Variants in LILRB2 observed in about 807,000 individuals in gnomAD.
LILRB2 encodes leukocyte immunoglobulin like receptor B2, also known as leukocyte immunoglobulin-like receptor subfamily B member 2.
Under a neutral mutation model 72.7 loss-of-function variants are expected in LILRB2, and 47 were observed. The ratio of observed to expected loss-of-function variants is 0.65; its 90% CI spans 0.51 to 0.82. The LOEUF is 0.82. LILRB2 is among the 40% of genes least tolerant of loss of function. The pLI, the probability that LILRB2 is intolerant of heterozygous loss-of-function variation, is 0.00. For missense variants in LILRB2, 767 were observed against 764.8 expected, an observed-to-expected ratio of 1.00 and a Z score of -0.03; for synonymous variants, 279 against 313.7, an observed-to-expected ratio of 0.89 and a Z score of 1.17.
chr19:54,276,245 A>G lies in LILRB2; in HGVS notation c.1594+19T>C, dbSNP rs765693715. 2.5e-6 allele frequency: 4 copies of G among 1,613,672 alleles called. No homozygotes were observed. The highest frequency in any genetic ancestry group is 2.5e-6 in the Non-Finnish European group (3 of 1,179,904). On this transcript the variant is annotated intron_variant, in intron 12 of 13. Transcript: ENST00000314446. ...GCCCCTATCTCCCTCCTGGCTGGTC[A>G]CCTCTTCCTCTCACTCACAGAGGTT...
At position 54,276,811 on chromosome 19, in the gene LILRB2, T is replaced by C; in HGVS notation, c.1476A>G (p.Thr492=). 1 of 1,613,406 alleles carries C rather than the reference T, an allele frequency of 6.2e-7. No individual in the cohort carries two copies. Among genetic ancestry groups the C allele is most frequent in the Non-Finnish European group, 8.5e-7 (1 of 1,179,644 alleles). ...LRHRRQGKHW[T]STQRKADFQH... ...GGTTTCCCCTTCCCTACTCACTCGA[T>C]GTCCAGTGTTTGCCCTGACGTCGAT... is the stretch of plus-strand genomic sequence containing the variant. The change falls in exon 10 of 14, where the codon ACA becomes ACG. Residue 492 remains threonine, a synonymous_variant. Transcript: ENST00000314446.
At position 54,276,343 on chromosome 19, in the gene LILRB2, C is replaced by T. The variant is rs200755632; in HGVS notation, c.1556+38G>A. The T allele has an allele frequency of 2.7e-3, 4,297 of 1,612,996 alleles. 35 individuals carry two copies. Among genetic ancestry groups the T allele is most frequent in the Non-Finnish European group, 2.9e-3 (3,398 of 1,179,258 alleles). ...AGCTTTAGGGGCAGTGTATGGGCCA[C>T]GAGCAGGTGGGAGTCTGGGGTCTTC... On this transcript the variant is annotated intron_variant, in intron 11 of 13. Coordinates refer to ENST00000314446, the MANE Select transcript of LILRB2 (RefSeq NM_001080978.4).
chr19:54,277,495 C>T, intron 9 of LILRB2, 55 bp downstream of exon 9: 1 of 1,550,210 alleles, frequency 6.5e-7, no homozygotes, highest in South Asian at 1.2e-5. Context: ...AGGACAGAAC[C>T]CACCCCTGCC....
Position 54,279,492 on chromosome 19 carries a change from G to T in LILRB2, c.511C>A (p.Pro171Thr), listed in dbSNP as rs533678320. Residue 171 changes from proline (P) to threonine (T), a missense_variant, in exon 5 of 14, where the codon CCC becomes ACC. Physicochemically the swap from Pro to Thr is conservative, Grantham distance 38. Coordinates refer to ENST00000314446, the MANE Select transcript of LILRB2 (RefSeq NM_001080978.4). ...GCGCGGGACGACCCACGGGCATGGG[G>T]CTGGGAGTTCAGGCATTGTGGGTGT... ...DEHPQCLNSQ[P>T]HARGSSRAIF... 1 of 1,595,982 alleles carries T rather than the reference G, an allele frequency of 6.3e-7. No individual in the cohort carries two copies. The highest frequency in any genetic ancestry group is 8.5e-7 in the Non-Finnish European group (1 of 1,172,114).
intron 1 of LILRB2, 21 bp from the exon 2 acceptor site, chr19:54,280,565 A>G (rs1360594362): frequency 6.8e-6 from 11 of 1,612,278 alleles, no homozygotes; most frequent in Non-Finnish European, 7.6e-6. Flanking sequence ...AGAGACACAC[A>G]GAGAGAAATA....
Position 54,274,392 on chromosome 19 carries a change from G to T in LILRB2, c.*291C>A. On this transcript the variant is annotated 3_prime_UTR_variant, in exon 14 of 14. Coordinates refer to ENST00000314446, the MANE Select transcript of LILRB2 (RefSeq NM_001080978.4). Reference sequence around the variant, plus strand: ...CTTTTTCAATTTCATTGTGTGATGTGTAATATTTATATTGTGATTCAGTTT... The same window carrying T: ...CTTTTTCAATTTCATTGTGTGATGTTTAATATTTATATTGTGATTCAGTTT... The T allele has an allele frequency of 2.4e-6, 1 of 421,302 alleles. No individual in the cohort carries two copies. The highest frequency in any genetic ancestry group is 4.1e-6 in the Non-Finnish European group (1 of 241,990). 26.1% of individuals were successfully genotyped at this position (421,302 alleles called of 1,614,324 possible). A position where few individuals can be genotyped will look rare whatever the true frequency, so the allele number is the denominator to read the frequency against.
intron 1 of LILRB2, 46 bp from the exon 2 acceptor site, chr19:54,280,590 C>T: frequency 6.3e-7 from 1 of 1,581,612 alleles, no homozygotes; most frequent in East Asian, 2.2e-5. Context: ...CCCCTCCTTC[C>T]CACCCTGTGT....
rs188934193 is a variant in LILRB2 at position 54,278,281 on chromosome 19, G to A, written c.1237C>T (p.Pro413Ser). ...DPYLLSHPSEPLELVVSGPSM... is the reference protein window; with the variant it reads ...DPYLLSHPSESLELVVSGPSM... ...CCACCTGAGACCACGAGCTCCAGGGGCTCACTGGGGTGAGACAGCAGGTAG... is the reference window on the plus strand; with the variant it reads ...CCACCTGAGACCACGAGCTCCAGGGACTCACTGGGGTGAGACAGCAGGTAG... Residue 413 changes from proline to serine, a missense_variant, in exon 7 of 14, where the codon CCC becomes TCC. Coordinates refer to ENST00000314446, the MANE Select transcript of LILRB2 (RefSeq NM_001080978.4). 7.9e-5 allele frequency: 128 copies of A among 1,614,064 alleles called. No individual in the cohort carries two copies. In the Middle Eastern group the frequency reaches 9.9e-4, roughly 12 times the overall value.
chr19:54,277,323 G>T, intron 9 of LILRB2: 1 of 1,280,780 alleles, frequency 7.8e-7, no homozygotes, highest in Non-Finnish European at 1.1e-6. Context: ...GAGTCTTGGA[G>T]TCTTCCCTGA....
At position 54,277,005 on chromosome 19, in the gene LILRB2, C is replaced by T. The variant is rs991982079; in HGVS notation, c.1358-76G>A. On this transcript the variant is annotated intron_variant, in intron 9 of 13. Transcript: ENST00000314446. ...CTACTGTGTGCAGGTGACTGCTGGA[C>T]CTTCTGTTCACCACCTCCAACCCCC... 20 of 1,536,096 alleles carry T rather than the reference C, an allele frequency of 1.3e-5. No homozygotes were observed. In the South Asian group the frequency reaches 1.5e-4, roughly 11 times the overall value.
intron 13 of LILRB2, chr19:54,275,663 AC>A (rs972168050): frequency 3.5e-6 from 2 of 573,386 alleles, no homozygotes; most frequent in African/African-American, 3.8e-5. Flanking sequence ...AGCCCAGGGG[AC>A]CGGGGTGGTT....
intron 13 of LILRB2, chr19:54,275,241 C>T (rs2080167285): frequency 2.3e-6 from 2 of 870,796 alleles, no homozygotes. Flanking sequence ...GCCTCTGCTC[C>T]TCACTTTGAC....
Position 54,273,907 on chromosome 19 carries a change from C to T in LILRB2, c.*776G>A, listed in dbSNP as rs1163758918. On this transcript the variant is annotated 3_prime_UTR_variant, in exon 14 of 14. Coordinates refer to ENST00000314446, the MANE Select transcript of LILRB2 (RefSeq NM_001080978.4). Reference sequence around the variant, plus strand: ...ACACATATATATACACACACATACACACACATTTAAAATGAGTCAGATTCT... The same window carrying T: ...ACACATATATATACACACACATACATACACATTTAAAATGAGTCAGATTCT... 1 of 152,322 alleles carries T rather than the reference C, an allele frequency of 6.6e-6. No individual in the cohort carries two copies. Among genetic ancestry groups the T allele is most frequent in the Non-Finnish European group, 1.5e-5 (1 of 68,134 alleles). 9.4% of individuals were successfully genotyped at this position (152,322 alleles called of 1,614,324 possible). A position where few individuals can be genotyped will look rare whatever the true frequency, so the allele number is the denominator to read the frequency against.
rs1569090244 is a variant in LILRB2, at chr19:54,274,675, C to T, written c.*8G>A. On this transcript the variant is annotated 3_prime_UTR_variant, in exon 14 of 14. Coordinates refer to ENST00000314446, the MANE Select transcript of LILRB2 (RefSeq NM_001080978.4). ...TCTACTGAGTGTGGAGTCTGCGTACCCTCCGGGCTAGTGGATGGCCAGGGT... is the reference window on the plus strand; with the variant it reads ...TCTACTGAGTGTGGAGTCTGCGTACTCTCCGGGCTAGTGGATGGCCAGGGT... 6.2e-7 allele frequency: 1 copy of T among 1,613,958 alleles called. No individual in the cohort carries two copies. Among genetic ancestry groups the T allele is most frequent in the Non-Finnish European group, 8.5e-7 (1 of 1,179,998 alleles).
chr19:54,274,259 A>T lies in LILRB2; in HGVS notation c.*424T>A, dbSNP rs2147739481. 6.0e-6 allele frequency: 1 copy of T among 166,126 alleles called. No homozygotes were observed. The highest frequency in any genetic ancestry group is 3.1e-3 in the Middle Eastern group (1 of 320). The allele number at this position is 166,126 out of a possible 1,614,324, so 10.3% of individuals were successfully genotyped here. ...TTCTTATTCCCTTTCTTACACCTTC[A>T]TTTGGAATAATTGGTTATTCTTTTT... On this transcript the variant is annotated 3_prime_UTR_variant, in exon 14 of 14. Transcript: ENST00000314446.
At position 54,278,932 on chromosome 19, in the gene LILRB2, C is replaced by A. The variant is rs747234459; in HGVS notation, c.835G>T (p.Ala279Ser). 3.7e-6 allele frequency: 6 copies of A among 1,614,080 alleles called. No homozygotes were observed. Among genetic ancestry groups the A allele is most frequent in the East Asian group, 2.2e-5 (1 of 44,882 alleles). ...GRQPQAGLSQ[A>S]NFTLGPVSRS... is the part of the protein sequence containing the mutation. ...CTCACAGGGCCCAGGGTGAAGTTGG[C>A]CTGGGAGAGCCCAGCCTGGGGCTGC... The change falls in exon 6 of 14, where the codon GCC (alanine) becomes TCC (serine). Residue 279 changes from alanine (A) to serine (S), a missense_variant. Coordinates refer to ENST00000314446, the MANE Select transcript of LILRB2 (RefSeq NM_001080978.4).
Position 54,278,315 on chromosome 19 carries a change from G to T in LILRB2, c.1203C>A (p.Asn401Lys). The T allele has an allele frequency of 6.2e-7, 1 of 1,614,234 alleles. No individual in the cohort carries two copies. Among genetic ancestry groups the T allele is most frequent in the Non-Finnish European group, 8.5e-7 (1 of 1,180,032 alleles). ...AGTYRCYGSL[N>K]SDPYLLSHPS... is the part of the protein sequence containing the mutation. ...GGTGAGACAGCAGGTAGGGGTCGGA[G>T]TTGAGTGAGCCGTAGCACCTGTAGG... Residue 401 changes from asparagine (N) to lysine (K), a missense_variant, in exon 7 of 14, where the codon AAC becomes AAA. By Grantham distance (94) the Asn-to-Lys change is moderately conservative. Coordinates refer to ENST00000314446, the MANE Select transcript of LILRB2 (RefSeq NM_001080978.4).
At position 54,274,536 on chromosome 19, in the gene LILRB2, A is replaced by C. The variant is rs891457625; in HGVS notation, c.*147T>G. ...GTTATTTCGACTGCAGAATCAAGTG[A>C]GTCCCAAAGTTCCCAGCATCTCCTC... On this transcript the variant is annotated 3_prime_UTR_variant, in exon 14 of 14. Coordinates refer to ENST00000314446, the MANE Select transcript of LILRB2 (RefSeq NM_001080978.4). 1 of 1,416,948 alleles carries C rather than the reference A, an allele frequency of 7.1e-7. No homozygotes were observed. The highest frequency in any genetic ancestry group is 2.4e-5 in the East Asian group (1 of 40,974). The allele number at this position is 1,416,948 out of a possible 1,614,324, so 87.8% of individuals were successfully genotyped here. A position where few individuals can be genotyped will look rare whatever the true frequency, so the allele number is the denominator to read the frequency against.
chr19:54,277,156 T>A, intron 9 of LILRB2: 3 of 1,496,018 alleles, frequency 2.0e-6, no homozygotes, highest in Non-Finnish European at 2.7e-6. Context: ...GAAGGGAGCC[T>A]GGGAGTCTGA....
Sources: gnomAD v4.1 joint callset for allele counts on GRCh38, gnomAD v4.1.1 for gene constraint, MANE v1.5 for transcripts, NCBI Gene and HGNC (gene_info 2026-07-23, HGNC 2026-07-21) for gene names.